Variants in DGKI observed in about 807,000 individuals in gnomAD.
DGKI encodes DAG kinase iota.
In DGKI, 55 loss-of-function variants were observed where a neutral mutation model predicts 147.5. The ratio of observed to expected loss-of-function variants is 0.37; its 90% CI spans 0.30 to 0.47. The LOEUF (loss-of-function observed/expected upper bound fraction) is 0.47. DGKI is among the 20% of genes least tolerant of loss of function. The pLI, the probability that DGKI is intolerant of heterozygous loss-of-function variation, is 1.00. For missense variants in DGKI, 1,007 were observed against 1,323.8 expected (o/e 0.76, Z 3.71); for synonymous variants, 469 against 477.1 (o/e 0.98, Z 0.22).
At chr7:137,582,497 G>C (rs1819239182) in intron 14 of DGKI, among the ~76,000 whole-genome samples, 1 of 150,968 alleles carries the variant, frequency 6.6e-6, no homozygotes, top group South Asian at 2.1e-4. Context: ...ATAAAAAATA[G>C]GGCAATGTGA....
At chr7:137,413,167 T>G (rs1812225999) in intron 28 of DGKI, among the ~76,000 whole-genome samples, 1 of 149,252 alleles carries the variant, frequency 6.7e-6, no homozygotes, top group South Asian at 2.1e-4. Flanking sequence ...CTCGGGAGGC[T>G]GAGGCAGGAG....
intron 1 of DGKI, among the ~76,000 whole-genome samples, chr7:137,796,511 G>A (rs1455500518): frequency 6.6e-6 from 1 of 151,366 alleles, no homozygotes; most frequent in Non-Finnish European, 1.5e-5. Flanking sequence ...AAAAAAAAAA[G>A]CTTTACGTAT....
chr7:137,627,812 A>T (rs1563119720), intron 6 of DGKI, among the ~76,000 whole-genome samples: 2 of 152,176 alleles, frequency 1.3e-5, no homozygotes, highest in Non-Finnish European at 2.9e-5. Flanking sequence ...CTGAGGAGAG[A>T]CGGCAAAGCT....
At chr7:137,722,264 C>A (rs937056105) in intron 1 of DGKI, 2 of 1,607,824 alleles carry the variant, frequency 1.2e-6, no homozygotes, top group Non-Finnish European at 1.7e-6. Flanking sequence ...GCAACTGTTA[C>A]AAAACCAGTT....
At chr7:137,819,277 C>T (rs1797825566) in intron 1 of DGKI, among the ~76,000 whole-genome samples, 1 of 151,884 alleles carries the variant, frequency 6.6e-6, no homozygotes, top group African/African-American at 2.4e-5. Context: ...GCTTTGTACC[C>T]ACACAGAAAA....
intron 1 of DGKI, among the ~76,000 whole-genome samples, chr7:137,704,141 G>C (rs1042406594): frequency 1.3e-5 from 2 of 152,188 alleles, no homozygotes; most frequent in Non-Finnish European, 2.9e-5. Context: ...AACCCAGCAG[G>C]CGGAGGTTGC....
chr7:137,558,536 C>T (rs1169127577), intron 19 of DGKI, among the ~76,000 whole-genome samples: 1 of 152,012 alleles, frequency 6.6e-6, no homozygotes, highest in Admixed American at 6.6e-5. Flanking sequence ...CCTTGGCCTC[C>T]CAAAGTGCTG....
At chr7:137,602,539 C>G (rs1460260474) in intron 10 of DGKI, among the ~76,000 whole-genome samples, 1 of 151,890 alleles carries the variant, frequency 6.6e-6, no homozygotes, top group Non-Finnish European at 1.5e-5. Flanking sequence ...TATTTATTAC[C>G]AAAAATGTAA....
At chr7:137,581,763 G>T in intron 15 of DGKI, 87 bp downstream of exon 15, 4 of 1,131,040 alleles carry the variant, frequency 3.5e-6, no homozygotes, top group Non-Finnish European at 5.3e-6. Flanking sequence ...CTGTAAACGC[G>T]TAAGTGATAT....
Position 137,609,614 on chromosome 7 carries a change from A to AG in DGKI, c.994-6dup, listed in dbSNP as rs1289160767. 4.8e-5 allele frequency: 77 copies of AG among 1,611,062 alleles called. No homozygotes were observed. The highest frequency in any genetic ancestry group is 6.4e-5 in the Non-Finnish European group (75 of 1,177,820). ...ATTTGAAGCCTTCAGGGAGTTCTGT[A>AG]GGGAGAGAGAGAAATGCCTGAGCTC... On this transcript the variant is annotated splice_region_variant and splice_polypyrimidine_tract_variant and intron_variant, in intron 8 of 32. Coordinates refer to ENST00000614521, the MANE Select transcript of DGKI (RefSeq NM_001321708.2).
intron 1 of DGKI, among the ~76,000 whole-genome samples, chr7:137,758,201 C>T (rs1795746016): frequency 6.6e-6 from 1 of 152,128 alleles, no homozygotes; most frequent in Admixed American, 6.5e-5. Context: ...TCTGAAACAC[C>T]CACACTTATG....
chr7:137,554,378 A>G (rs1405183965), intron 19 of DGKI, among the ~76,000 whole-genome samples: 3 of 152,184 alleles, frequency 2.0e-5, no homozygotes, highest in Non-Finnish European at 4.4e-5. Flanking sequence ...TACTATTAGT[A>G]ATACTTTGAT....
At chr7:137,517,778 T>G (rs1051467759) in intron 21 of DGKI, among the ~76,000 whole-genome samples, 1 of 152,144 alleles carries the variant, frequency 6.6e-6, no homozygotes, top group Non-Finnish European at 1.5e-5. Flanking sequence ...GGAAGGAAAT[T>G]TGCAGGTAAA....
intron 23 of DGKI, among the ~76,000 whole-genome samples, chr7:137,477,719 C>T (rs1815223443): frequency 6.6e-6 from 1 of 152,064 alleles, no homozygotes; most frequent in Non-Finnish European, 1.5e-5. Flanking sequence ...TGCAGTGGTG[C>T]AATCTCAGCT....
chr7:137,612,621 G>C (rs1396270464), intron 8 of DGKI, among the ~76,000 whole-genome samples: 1 of 152,018 alleles, frequency 6.6e-6, no homozygotes, highest in Non-Finnish European at 1.5e-5. Flanking sequence ...CTACAGGATC[G>C]CTTATCCTGC....
At chr7:137,700,344 A>G (rs1823934520) in intron 1 of DGKI, among the ~76,000 whole-genome samples, 1 of 152,206 alleles carries the variant, frequency 6.6e-6, no homozygotes, top group African/African-American at 2.4e-5. Flanking sequence ...GTGGTTTTGG[A>G]GAAAAGGGAT....
chr7:137,524,148 A>G (rs780050949), intron 20 of DGKI, among the ~76,000 whole-genome samples: 48 of 152,262 alleles, frequency 3.2e-4, no homozygotes, highest in Non-Finnish European at 6.3e-4. Context: ...CACTGGGCAG[A>G]GAGTACAAAT....
At position 137,623,526 on chromosome 7, in the gene DGKI, C is replaced by T. The variant is rs1820825931; in HGVS notation, c.833G>A (p.Ser278Asn). ...ACAGCTGATAGCCACAATCTCTTTA[C>T]TGTGGAAGGAGAACTTTTGCTGGAA... ...KGFQQKFSFH[S>N]KEIVAISCSW... is the part of the protein sequence containing the mutation. The change falls in exon 7 of 33, where the codon AGT becomes AAT. Residue 278 changes from serine (S) to asparagine (N), a missense_variant. Physicochemically the swap from Ser to Asn is conservative, Grantham distance 46. Around this residue, in one of 5 missense-constraint regions of DGKI, gnomAD observed 259 missense variants for 362.5 expected, o/e 0.71. Coordinates refer to ENST00000614521, the MANE Select transcript of DGKI (RefSeq NM_001321708.2). 3.1e-6 allele frequency: 5 copies of T among 1,613,966 alleles called. No homozygotes were observed. Among genetic ancestry groups the T allele is most frequent in the African/African-American group, 1.3e-5 (1 of 74,934 alleles).
chr7:137,507,782 CCTA>C (rs1405707582), intron 21 of DGKI, among the ~76,000 whole-genome samples: 1 of 152,074 alleles, frequency 6.6e-6, no homozygotes, highest in Non-Finnish European at 1.5e-5. Context: ...ATGAAAACAT[CCTA>C]CTGATGATAT....
Sources: gnomAD v4.1 joint callset for allele counts (sites outside exome capture counted in the v4.1 genomes callset) on GRCh38, gnomAD v4.1.1 for gene constraint, gnomAD v4.1.1 regional missense constraint, MANE v1.5 for transcripts, NCBI Gene and HGNC (gene_info 2026-07-23, HGNC 2026-07-21) for gene names.